Variants in MX2 observed in about 807,000 individuals in gnomAD.
The protein encoded by MX2 is MX dynamin like GTPase 2, also known as interferon-induced GTP-binding protein Mx2.
Under a neutral mutation model 74.0 loss-of-function variants are expected in MX2, and 51 were observed. The observed-to-expected ratio is 0.69, with a 90% CI of 0.55 to 0.87. The LOEUF is 0.87. MX2 is among the 40% of genes least tolerant of loss of function. The pLI is 0.00. For missense variants in MX2, 832 were observed against 908.7 expected (o/e 0.92, Z 1.09); for synonymous variants, 369 against 339.3 (o/e 1.09, Z -0.96).
intron 6 of MX2, among the ~76,000 whole-genome samples, chr21:41,391,347 C>A (rs530611731): frequency 1.3e-4 from 19 of 151,678 alleles, no homozygotes; most frequent in African/African-American, 4.6e-4. Flanking sequence ...GTCCTCTCAT[C>A]GCCATAAACT....
intron 6 of MX2, among the ~76,000 whole-genome samples, chr21:41,392,175 A>G (rs947698017): frequency 2.6e-5 from 4 of 152,244 alleles, no homozygotes. Context: ...GGTCAAGTAT[A>G]GAAATAGAGA....
Position 41,408,384 on chromosome 21 carries a change from C to A in MX2, c.*151C>A. 9.4e-7 allele frequency: 1 copy of A among 1,065,194 alleles called. No individual in the cohort carries two copies. The highest frequency in any genetic ancestry group is 2.6e-5 in the East Asian group (1 of 38,728). The allele number at this position is 1,065,194 out of a possible 1,614,324, so 66.0% of individuals were successfully genotyped here. On this transcript the variant is annotated 3_prime_UTR_variant, in exon 14 of 14. Coordinates refer to ENST00000330714, the MANE Select transcript of MX2 (RefSeq NM_002463.2). ...ACTCCCTCAGCATCAGAGCATGCATCAGGGGTCCACACAGGCTCAGCTCTC... is the reference window on the plus strand; with the variant it reads ...ACTCCCTCAGCATCAGAGCATGCATAAGGGGTCCACACAGGCTCAGCTCTC...
At position 41,393,257 on chromosome 21, in the gene MX2, G is replaced by A. The variant is rs140656038; in HGVS notation, c.872-2330G>A. Among the ~76,000 whole-genome samples the A allele has an allele frequency of 3.7e-4, 57 of 152,056 alleles. 1 individual carries two copies. The East Asian group carries it at 9.3e-3, about 25-fold the overall frequency. ...AGAATATCAAGTTTCAAAAAGAACA[G>A]TGGGTCGATATTTTCAGGCCCTCAC... On this transcript the variant is annotated intron_variant, in intron 6 of 13. Transcript: ENST00000330714.
At position 41,377,917 on chromosome 21, in the gene MX2, C is replaced by T. The variant is rs2089429896; in HGVS notation, c.378C>T (p.Asp126=). 1 of 1,614,186 alleles carries T rather than the reference C, an allele frequency of 6.2e-7. No homozygotes were observed. The highest frequency in any genetic ancestry group is 8.5e-7 in the Non-Finnish European group (1 of 1,180,046). ...LALPAIAVIG[D]QSSGKSSVLE... ...TGCCAGCCATCGCCGTCATCGGGGA[C>T]CAGAGCTCGGGCAAGAGCTCTGTGC... is the stretch of plus-strand genomic sequence containing the variant. The change falls in exon 3 of 14, where the codon GAC becomes GAT. Residue 126 remains aspartate, a synonymous_variant. Transcript: ENST00000330714.
chr21:41,371,994 A>C (rs1453179682), intron 1 of MX2, among the ~76,000 whole-genome samples: 1 of 152,210 alleles, frequency 6.6e-6, no homozygotes, highest in Non-Finnish European at 1.5e-5. Context: ...TTTTGCGAAC[A>C]CCGAGGGTGA....
intron 1 of MX2, among the ~76,000 whole-genome samples, chr21:41,375,349 T>C (rs1478415371): frequency 3.3e-5 from 5 of 152,264 alleles, no homozygotes; most frequent in African/African-American, 1.2e-4. Context: ...CGTACCCTTG[T>C]ATGAGTCTGC....
chr21:41,391,292 A>G (rs754307209), intron 6 of MX2, among the ~76,000 whole-genome samples: 122 of 152,264 alleles, frequency 8.0e-4, no homozygotes, highest in Non-Finnish European at 1.2e-3. Context: ...GAATATTAAC[A>G]TCTCCAAGGA....
chr21:41,381,995 A>C (rs1394855911), intron 4 of MX2, among the ~76,000 whole-genome samples: 1 of 152,130 alleles, frequency 6.6e-6, no homozygotes, highest in African/African-American at 2.4e-5. Context: ...CATCACCTCC[A>C]CTGCATGTAT....
At position 41,395,837 on chromosome 21, in the gene MX2, T is replaced by C. The variant is rs771774436; in HGVS notation, c.1070+52T>C. The C allele has an allele frequency of 8.2e-6, 13 of 1,586,874 alleles. No individual in the cohort carries two copies. The African/African-American group carries it at 1.7e-4, about 21-fold the overall frequency. ...ATTAGACTCCATGAAAGCCAGCCCATCTGCAAGAGTTGGCCCAGATCATGA... is the reference window on the plus strand; with the variant it reads ...ATTAGACTCCATGAAAGCCAGCCCACCTGCAAGAGTTGGCCCAGATCATGA... On this transcript the variant is annotated intron_variant, in intron 7 of 13. Transcript: ENST00000330714.
rs959296163 is a variant in MX2 at position 41,388,985 on chromosome 21, G to A, written c.733-1580G>A. Among the ~76,000 whole-genome samples, 3 of 152,122 alleles carry A rather than the reference G, an allele frequency of 2.0e-5. No homozygotes were observed. Among genetic ancestry groups the A allele is most frequent in the Non-Finnish European group, 4.4e-5 (3 of 68,026 alleles). ...GCCACCATGGCAGAGTCATCCTTCT[G>A]AATTGTCAACAGTGCTGGAAGGAGA... On this transcript the variant is annotated intron_variant, in intron 5 of 13. Coordinates refer to ENST00000330714, the MANE Select transcript of MX2 (RefSeq NM_002463.2). The surrounding 1 kb of genome is among the most constrained non-coding windows in gnomAD (Gnocchi z 4.0).
chr21:41,377,089 G>T lies in MX2; in HGVS notation c.183G>T (p.Lys61Asn). Residue 61 changes from lysine to asparagine, a missense_variant, in exon 2 of 14, where the codon AAG becomes AAT. Lys to Asn is a moderately conservative substitution (Grantham distance 94). Coordinates refer to ENST00000330714, the MANE Select transcript of MX2 (RefSeq NM_002463.2). ...AGAAGGACGCTGCTTTCCTCGCCAA[G>T]GACTTCAACTTTCTCACTTTGAACA... ...GAEKDAAFLA[K>N]DFNFLTLNNQ... is the part of the protein sequence containing the mutation. The T allele has an allele frequency of 6.2e-7, 1 of 1,614,212 alleles. No homozygotes were observed. The highest frequency in any genetic ancestry group is 8.5e-7 in the Non-Finnish European group (1 of 1,180,040).
chr21:41,367,489 T>C (rs976516138), intron 1 of MX2, among the ~76,000 whole-genome samples: 3 of 152,136 alleles, frequency 2.0e-5, no homozygotes, highest in Non-Finnish European at 4.4e-5. Flanking sequence ...AACCCGGCAA[T>C]GGCTAAAACT....
intron 1 of MX2, chr21:41,365,794 A>G (rs547051190): frequency 6.6e-6 from 1 of 152,348 alleles, no homozygotes; most frequent in African/African-American, 2.4e-5. Flanking sequence ...TTCTTTGAGG[A>G]GTCACCAGAC....
intron 1 of MX2, chr21:41,365,814 C>G (rs970746443): frequency 5.3e-5 from 8 of 152,282 alleles, no homozygotes; most frequent in African/African-American, 1.9e-4. Flanking sequence ...CTGCTTTCCA[C>G]ATGGCTGAAC....
At position 41,374,725 on chromosome 21, in the gene MX2, G is replaced by A. The variant is rs566069529; in HGVS notation, c.-71-2111G>A. On this transcript the variant is annotated intron_variant, in intron 1 of 13. Transcript: ENST00000330714. The stretch of plus-strand genomic sequence containing the variant: ...GTTGCTCGAGGGAGAAACTCTGGAC[G>A]CATGAGATTCAGTTGTACAGAGCCT... Among the ~76,000 whole-genome samples the A allele has an allele frequency of 3.3e-4, 50 of 152,282 alleles. No individual in the cohort carries two copies. The South Asian group carries it at 9.7e-3, about 30-fold the overall frequency.
chr21:41,390,591 C>T lies in MX2; in HGVS notation c.759C>T (p.Ile253=). ...LQIKALIKKY[I]QRQQTINLVV... is the part of the protein sequence containing the mutation. The stretch of plus-strand genomic sequence containing the variant: ...TCAAGGCTCTCATCAAGAAGTACAT[C>T]CAGAGGCAGCAGACGATCAACTTGG... The change falls in exon 6 of 14, where the codon ATC becomes ATT. Residue 253 remains isoleucine, a synonymous_variant. Transcript: ENST00000330714. 6.2e-7 allele frequency: 1 copy of T among 1,614,164 alleles called. No individual in the cohort carries two copies. Among genetic ancestry groups the T allele is most frequent in the Non-Finnish European group, 8.5e-7 (1 of 1,180,022 alleles).
At chr21:41,379,564 G>A (rs57642886) in intron 3 of MX2, among the ~76,000 whole-genome samples, 1,749 of 152,076 alleles carry the variant, frequency 0.012, 43 homozygotes, top group African/African-American at 0.039. Context: ...CCACATTCCC[G>A]CCATCCCCCA....
At chr21:41,400,241 A>G (rs1158716200) in intron 10 of MX2, among the ~76,000 whole-genome samples, 2 of 152,210 alleles carry the variant, frequency 1.3e-5, no homozygotes, top group Non-Finnish European at 2.9e-5. Flanking sequence ...GAAATCGTTT[A>G]CCATCTCCCC....
chr21:41,396,201 G>A (rs532790022), intron 7 of MX2, among the ~76,000 whole-genome samples: 5 of 152,350 alleles, frequency 3.3e-5, no homozygotes, highest in South Asian at 2.1e-4. Flanking sequence ...GTGTACCACC[G>A]TAAACGGCAC....
Sources: gnomAD v4.1 joint callset for allele counts (sites outside exome capture counted in the v4.1 genomes callset) on GRCh38, gnomAD v4.1.1 for gene constraint, Gnocchi (gnomAD v3.1) non-coding constraint, MANE v1.5 for transcripts, NCBI Gene and HGNC (gene_info 2026-07-23, HGNC 2026-07-21) for gene names.